Variants in NELL1 observed in about 807,000 individuals in gnomAD.
The protein encoded by NELL1 is protein kinase C-binding protein NELL1.
Under a neutral mutation model 107.4 loss-of-function variants are expected in NELL1, and 76 were observed. The ratio of observed to expected loss-of-function variants is 0.71; its 90% CI spans 0.59 to 0.86. The LOEUF is 0.86. NELL1 is among the 40% of genes least tolerant of loss of function. The pLI is 0.00. For synonymous variants in NELL1, 353 were observed against 341.2 expected, an observed-to-expected ratio of 1.03 and a Z score of -0.38; for missense variants, 1,024 against 1,005.5, an observed-to-expected ratio of 1.02 and a Z score of -0.25.
At chr11:21,408,050 G>A (rs1177417220) in intron 15 of NELL1, among the ~76,000 whole-genome samples, 1 of 151,828 alleles carries the variant, frequency 6.6e-6, no homozygotes, top group African/African-American at 2.4e-5. Context: ...GCACATAGAG[G>A]GGTGGCAAGT....
intron 2 of NELL1, among the ~76,000 whole-genome samples, chr11:20,686,227 A>C (rs1042299818): frequency 6.6e-6 from 1 of 152,114 alleles, no homozygotes; most frequent in Non-Finnish European, 1.5e-5. Context: ...CGATACATTT[A>C]AATAGAAACC....
At chr11:21,216,935 G>A (rs1325694179) in intron 13 of NELL1, among the ~76,000 whole-genome samples, 1 of 152,100 alleles carries the variant, frequency 6.6e-6, no homozygotes, top group African/African-American at 2.4e-5. Context: ...GTCAGGAGCA[G>A]AATGATATGG....
intron 14 of NELL1, among the ~76,000 whole-genome samples, chr11:21,232,159 A>AAAAAAATATATATATATATATATAT (rs1554985116): frequency 1.4e-5 from 1 of 73,208 alleles, no homozygotes; most frequent in African/African-American, 5.2e-5. Flanking sequence ...AAAAAAAAAA[A>AAAAAAATATATATATATATATATAT]ATATATATAT....
At chr11:21,414,586 C>G (rs1852460287) in intron 15 of NELL1, among the ~76,000 whole-genome samples, 1 of 148,464 alleles carries the variant, frequency 6.7e-6, no homozygotes, top group Non-Finnish European at 1.5e-5. Flanking sequence ...ACCTGCTAAA[C>G]CATTCTCTTC....
intron 14 of NELL1, among the ~76,000 whole-genome samples, chr11:21,323,300 G>C (rs1037087204): frequency 1.3e-5 from 2 of 152,170 alleles, no homozygotes; most frequent in African/African-American, 4.8e-5. Flanking sequence ...TGTGTTTAAA[G>C]CTCGCTGATG....
rs758994249 is a variant in NELL1, at chr11:21,240,366, ATTAGT to A, written c.1549+10914_1549+10918del. 3.9e-5 allele frequency among the ~76,000 whole-genome samples: 6 copies of A among 152,030 alleles called. No individual in the cohort carries two copies. In the East Asian group the frequency reaches 1.2e-3, roughly 29 times the overall value. ...TGATACTAAATTTAGATGTGGGGGT[ATTAGT>A]TATAATCCTGAAGTGGGAGGGGGAA... On this transcript the variant is annotated intron_variant, in intron 14 of 19. Transcript: ENST00000357134.
Position 20,749,280 on chromosome 11 carries a change from T to C in NELL1, c.185-34400T>C, listed in dbSNP as rs79674970. Among the ~76,000 whole-genome samples, 306 of 152,160 alleles carry C rather than the reference T, an allele frequency of 2.0e-3. 3 individuals are homozygous for C. The highest frequency in any genetic ancestry group is 7.1e-3 in the African/African-American group (293 of 41,524). ...TTTGTAAAAGAGCAAAAAAGTTCAA[T>C]GTTTTCATATTTTTTCTCTTTTAAA... On this transcript the variant is annotated intron_variant, in intron 2 of 19. Transcript: ENST00000357134.
chr11:21,345,099 G>A (rs1850656219), intron 14 of NELL1, among the ~76,000 whole-genome samples: 1 of 152,140 alleles, frequency 6.6e-6, no homozygotes, highest in Non-Finnish European at 1.5e-5. Flanking sequence ...CTGACTGTGG[G>A]ATTTACCTGT....
At chr11:20,687,520 T>C (rs1450758936) in intron 2 of NELL1, among the ~76,000 whole-genome samples, 1 of 152,082 alleles carries the variant, frequency 6.6e-6, no homozygotes, top group African/African-American at 2.4e-5. Flanking sequence ...GGGAGATTGG[T>C]ATTATGAATA....
chr11:21,034,208 A>G (rs991724929), intron 12 of NELL1, among the ~76,000 whole-genome samples: 1 of 152,180 alleles, frequency 6.6e-6, no homozygotes, highest in East Asian at 1.9e-4. Context: ...GAGGGGATCT[A>G]GCTTCATTCT....
At chr11:21,340,464 T>C (rs1187676074) in intron 14 of NELL1, among the ~76,000 whole-genome samples, 1 of 152,204 alleles carries the variant, frequency 6.6e-6, no homozygotes, top group Admixed American at 6.5e-5. Flanking sequence ...CTTTACCTAC[T>C]TTTATGAGTT....
intron 7 of NELL1, among the ~76,000 whole-genome samples, chr11:20,926,757 G>T (rs147797135): frequency 2.3e-4 from 35 of 152,292 alleles, no homozygotes; most frequent in African/African-American, 7.9e-4. Flanking sequence ...AAGCACAAAA[G>T]TGAATTCCTG....
intron 12 of NELL1, among the ~76,000 whole-genome samples, chr11:21,043,570 G>T (rs1356270319): frequency 6.6e-6 from 1 of 152,080 alleles, no homozygotes; most frequent in Admixed American, 6.6e-5. Flanking sequence ...ACTAGTAAAG[G>T]ATTCTAAGCA....
chr11:20,941,503 A>T (rs11025825), intron 10 of NELL1, among the ~76,000 whole-genome samples: 3,715 of 152,094 alleles, frequency 0.024, 132 homozygotes, highest in East Asian at 0.14. Flanking sequence ...GGAGAACATA[A>T]CTTGAGATTA....
intron 12 of NELL1, among the ~76,000 whole-genome samples, chr11:21,025,319 A>G (rs1852791398): frequency 6.6e-6 from 1 of 151,982 alleles, no homozygotes; most frequent in African/African-American, 2.4e-5. Context: ...GGTTGGTGCT[A>G]TTCTCCTTAT....
At chr11:21,012,232 A>T (rs1212111247) in intron 12 of NELL1, among the ~76,000 whole-genome samples, 1 of 152,130 alleles carries the variant, frequency 6.6e-6, no homozygotes, top group Non-Finnish European at 1.5e-5. Flanking sequence ...CTGGCCTTGC[A>T]CATCTTCATA....
chr11:21,445,894 T>G (rs1197042653), intron 15 of NELL1, among the ~76,000 whole-genome samples: 2 of 152,230 alleles, frequency 1.3e-5, no homozygotes, highest in African/African-American at 4.8e-5. Context: ...CTGAATAGAT[T>G]TGGGAATTTC....
intron 14 of NELL1, among the ~76,000 whole-genome samples, chr11:21,299,232 A>G (rs1447081916): frequency 6.6e-6 from 1 of 151,942 alleles, no homozygotes; most frequent in Non-Finnish European, 1.5e-5. Context: ...ATCTGTGTTT[A>G]ATTTTTGCAG....
At chr11:21,572,826 T>C (rs1857132447) in intron 18 of NELL1, among the ~76,000 whole-genome samples, 1 of 151,814 alleles carries the variant, frequency 6.6e-6, no homozygotes, top group South Asian at 2.1e-4. Flanking sequence ...ACCAAAACTG[T>C]GCTAAACATG....
Sources: gnomAD v4.1 joint callset for allele counts (sites outside exome capture counted in the v4.1 genomes callset) on GRCh38, gnomAD v4.1.1 for gene constraint, MANE v1.5 for transcripts, NCBI Gene and HGNC (gene_info 2026-07-23, HGNC 2026-07-21) for gene names.